The following ADAMTS18 variants were observed in gnomAD, a reference collection of about 807,000 sequenced individuals.
The protein encoded by ADAMTS18 is ADAM metallopeptidase with thrombospondin type 1 motif 18, also known as A disintegrin and metalloproteinase with thrombospondin motifs 18.
A neutral mutation model predicts 165.9 loss-of-function variants in ADAMTS18; 157 were observed. The ratio of observed to expected loss-of-function variants is 0.95; its 90% CI spans 0.83 to 1.08. The LOEUF is 1.08. ADAMTS18 is among the 50% of genes least tolerant of loss of function. The pLI, the probability that ADAMTS18 is intolerant of heterozygous loss-of-function variation, is 0.00. For missense variants in ADAMTS18, 2,040 were observed against 1,534.0 expected (o/e 1.33, Z -5.51); for synonymous variants, 782 against 578.2 (o/e 1.35, Z -5.06).
chr16:77,423,368 G>T (rs1261362253), intron 3 of ADAMTS18, among the ~76,000 whole-genome samples: 1 of 152,150 alleles, frequency 6.6e-6, no homozygotes, highest in East Asian at 1.9e-4. Flanking sequence ...GCAGAGGAAG[G>T]TCTGCAATAA....
At chr16:77,381,080 G>A (rs141256779) in intron 3 of ADAMTS18, among the ~76,000 whole-genome samples, 5,999 of 152,064 alleles carry the variant, frequency 0.039, 357 homozygotes, top group African/African-American at 0.13. Context: ...CACCATGTTG[G>A]TCAGGCTGGT....
rs114287338 is a variant in ADAMTS18, at chr16:77,366,307, C to T, written c.778+1134G>A. 5.8e-4 allele frequency among the ~76,000 whole-genome samples: 88 copies of T among 152,328 alleles called. 1 individual carries two copies. Among genetic ancestry groups the T allele is most frequent in the African/African-American group, 2.1e-3 (86 of 41,578 alleles). On this transcript the variant is annotated intron_variant, in intron 4 of 22. Coordinates refer to ENST00000282849, the MANE Select transcript of ADAMTS18 (RefSeq NM_199355.4). Reference sequence around the variant, plus strand: ...GGCGCAGTGGCTCATGCCTTTAATGCTAACAATTGGGAGACCGAGGCGGGT... The same window carrying T: ...GGCGCAGTGGCTCATGCCTTTAATGTTAACAATTGGGAGACCGAGGCGGGT...
intron 3 of ADAMTS18, among the ~76,000 whole-genome samples, chr16:77,378,025 G>C (rs2144764550): frequency 6.6e-6 from 1 of 152,268 alleles, no homozygotes. Flanking sequence ...AGGATGTTTA[G>C]GATTTTATTC....
chr16:77,394,956 C>T (rs532159856), intron 3 of ADAMTS18, among the ~76,000 whole-genome samples: 1 of 152,286 alleles, frequency 6.6e-6, no homozygotes, highest in Admixed American at 6.5e-5. Context: ...GTTCCTTCCA[C>T]CATTTCTATC....
intron 3 of ADAMTS18, among the ~76,000 whole-genome samples, chr16:77,377,002 A>G (rs1220321496): frequency 6.6e-6 from 1 of 151,824 alleles, no homozygotes; most frequent in Non-Finnish European, 1.5e-5. Flanking sequence ...TTTAGTAGAG[A>G]TGAGGTTTCA....
chr16:77,380,950 T>G (rs1215264325), intron 3 of ADAMTS18, among the ~76,000 whole-genome samples: 4 of 152,208 alleles, frequency 2.6e-5, no homozygotes, highest in Non-Finnish European at 5.9e-5. Flanking sequence ...ATCAGCTCAC[T>G]GCAACCTCCA....
intron 22 of ADAMTS18, 146 bp downstream of exon 22, chr16:77,289,118 A>G: frequency 9.8e-7 from 1 of 1,020,668 alleles, no homozygotes; most frequent in Non-Finnish European, 1.5e-6. Flanking sequence ...GCCTTATACA[A>G]CTCCAGGGAG....
At chr16:77,363,060 T>G (rs2056739044) in intron 6 of ADAMTS18, among the ~76,000 whole-genome samples, 1 of 152,180 alleles carries the variant, frequency 6.6e-6, no homozygotes, top group African/African-American at 2.4e-5. Context: ...TTTTATGTTT[T>G]TTACTGGCGT....
At chr16:77,286,513 C>T (rs1005266598) in intron 22 of ADAMTS18, among the ~76,000 whole-genome samples, 1 of 152,244 alleles carries the variant, frequency 6.6e-6, no homozygotes, top group East Asian at 1.9e-4. Flanking sequence ...AACAGTCTTT[C>T]GAAGTAAGCA....
rs75493191 is a variant in ADAMTS18 at position 77,353,690 on chromosome 16, T to C, written c.1614+43A>G. ...CACTTCTGTTAGGGACACAGACACA[T>C]TGCAGAGTCTTAATGTAAGTTTGAA... On this transcript the variant is annotated intron_variant, in intron 10 of 22. Transcript: ENST00000282849. 1,557 of 1,613,814 alleles carry C rather than the reference T, an allele frequency of 9.6e-4. 17 individuals carry two copies. The African/African-American group carries it at 0.018, about 18-fold the overall frequency.
At chr16:77,339,126 A>AAAT (rs1440184690) in intron 11 of ADAMTS18, among the ~76,000 whole-genome samples, 3 of 152,244 alleles carry the variant, frequency 2.0e-5, no homozygotes, top group Non-Finnish European at 4.4e-5. Flanking sequence ...TGTGTGTCAG[A>AAAT]CACTCCAGAT....
At position 77,325,936 on chromosome 16, in the gene ADAMTS18, C is replaced by T. The variant is rs761461085; in HGVS notation, c.1962G>A (p.Gln654=). ...NENSLDFRAQ[Q]CAEYNSKPFR... ...AAGGTTTGCTGTTATATTCTGCACA[C>T]TGTTGAGCCCGAAAATCCAAGCTAT... Residue 654 remains glutamine, a synonymous_variant, in exon 13 of 23, where the codon CAG becomes CAA. Coordinates refer to ENST00000282849, the MANE Select transcript of ADAMTS18 (RefSeq NM_199355.4). The T allele has an allele frequency of 3.7e-6, 6 of 1,613,948 alleles. No homozygotes were observed. Among genetic ancestry groups the T allele is most frequent in the Admixed American group, 3.3e-5 (2 of 59,988 alleles).
intron 7 of ADAMTS18, 66 bp downstream of exon 7, chr16:77,362,039 C>G: frequency 1.9e-6 from 3 of 1,550,806 alleles, no homozygotes; most frequent in Non-Finnish European, 1.8e-6. Context: ...ATCCATCATC[C>G]ATAGAAAGTT....
chr16:77,325,735 G>T, intron 13 of ADAMTS18, 131 bp downstream of exon 13: 1 of 915,290 alleles, frequency 1.1e-6, no homozygotes, highest in African/African-American at 1.7e-5. Context: ...GAAACACTGA[G>T]CCAGGATGGG....
chr16:77,343,473 G>A (rs937056174), intron 10 of ADAMTS18, among the ~76,000 whole-genome samples: 1 of 152,160 alleles, frequency 6.6e-6, no homozygotes, highest in Non-Finnish European at 1.5e-5. Flanking sequence ...TTTAGATAGG[G>A]AACTAATACT....
rs2056726731 is a variant in ADAMTS18, at chr16:77,362,243, G to A, written c.1078C>T (p.His360Tyr). The change falls in exon 7 of 23, where the codon CAT becomes TAT. Residue 360 changes from histidine to tyrosine, a missense_variant. Transcript: ENST00000282849. ...AAACTATTCAGAGACTGGTCTGCAT[G>A]ATGGTTGATCAATAATCCTCCCTAT... is the stretch of plus-strand genomic sequence containing the variant. ...QEPGGLLINH[H>Y]ADQSLNSFCQ... The A allele has an allele frequency of 1.9e-6, 3 of 1,614,146 alleles. No homozygotes were observed. The highest frequency in any genetic ancestry group is 2.5e-6 in the Non-Finnish European group (3 of 1,180,024).
chr16:77,423,577 A>G (rs2057631830), intron 3 of ADAMTS18, among the ~76,000 whole-genome samples: 1 of 152,228 alleles, frequency 6.6e-6, no homozygotes, highest in Non-Finnish European at 1.5e-5. Flanking sequence ...AATAAAGCAT[A>G]GCCAGGATAA....
In ADAMTS18 at chr16:77,418,827, C is replaced by T. The variant is rs1288053755; in HGVS notation, c.495+12468G>A. Among the ~76,000 whole-genome samples the T allele has an allele frequency of 3.3e-5, 5 of 152,194 alleles. No individual in the cohort carries two copies. The East Asian group carries it at 9.6e-4, about 29-fold the overall frequency. On this transcript the variant is annotated intron_variant, in intron 3 of 22. Transcript: ENST00000282849. ...GTATTTGTTTTCTATTGCTGCCTAACAAATTACCACAAACTCAGCAGCTTA... is the reference window on the plus strand; with the variant it reads ...GTATTTGTTTTCTATTGCTGCCTAATAAATTACCACAAACTCAGCAGCTTA...
intron 22 of ADAMTS18, among the ~76,000 whole-genome samples, chr16:77,286,367 T>C (rs1327641144): frequency 1.3e-5 from 2 of 152,210 alleles, no homozygotes; most frequent in Non-Finnish European, 2.9e-5. Context: ...GTTGTCCGTT[T>C]CCATTTTGAA....
Sources: allele counts gnomAD v4.1 joint callset (sites outside exome capture counted in the v4.1 genomes callset), GRCh38; gene constraint gnomAD v4.1.1; transcripts MANE v1.5; gene names NCBI Gene and HGNC (gene_info 2026-07-23, HGNC 2026-07-21).